ADAMTS2: variants seen among roughly 807,000 people sequenced by gnomAD.
ADAMTS2 encodes A disintegrin and metalloproteinase with thrombospondin motifs 2.
ADAMTS2 carries 50 observed loss-of-function variants against 123.0 expected under a neutral mutation model. That is an observed-to-expected ratio of 0.41 (90% CI 0.32 to 0.51). ADAMTS2 has a LOEUF of 0.51. ADAMTS2 is among the 20% of genes least tolerant of loss of function. The pLI is 0.35. For synonymous variants in ADAMTS2, 678 were observed against 695.4 expected, an observed-to-expected ratio of 0.98 and a Z score of 0.39; for missense variants, 1,494 against 1,705.2, an observed-to-expected ratio of 0.88 and a Z score of 2.18.
chr5:179,162,432 G>C lies in ADAMTS2; in HGVS notation c.976-3553C>G, dbSNP rs537592136. ...CCCACCAAGGATTAAAGGAGGATGAGACCACTGTCGAGCTAAGACTGGGGC... is the reference window on the plus strand; with the variant it reads ...CCCACCAAGGATTAAAGGAGGATGACACCACTGTCGAGCTAAGACTGGGGC... On this transcript the variant is annotated intron_variant, in intron 5 of 21. Coordinates refer to ENST00000251582, the MANE Select transcript of ADAMTS2 (RefSeq NM_014244.5). The surrounding 1 kb of genome is among the most constrained non-coding windows in gnomAD (Gnocchi z 5.1). Among the ~76,000 whole-genome samples, 1 of 152,292 alleles carries C rather than the reference G, an allele frequency of 6.6e-6. No individual in the cohort carries two copies. Among genetic ancestry groups the C allele is most frequent in the African/African-American group, 2.4e-5 (1 of 41,578 alleles).
chr5:179,316,357 C>T (rs1307395564), intron 2 of ADAMTS2, among the ~76,000 whole-genome samples: 2 of 152,232 alleles, frequency 1.3e-5, no homozygotes, highest in African/African-American at 4.8e-5. Flanking sequence ...ATCTAGCAAC[C>T]CAGAAGGGTG....
intron 2 of ADAMTS2, among the ~76,000 whole-genome samples, chr5:179,342,526 A>G (rs75213418): frequency 0.027 from 4,105 of 152,368 alleles, 67 homozygotes; most frequent in Middle Eastern, 0.041. Flanking sequence ...AAAAAGAATG[A>G]CAGTGGTTGC....
In ADAMTS2 at chr5:179,117,484, G is replaced by A. The variant is rs1762676305; in HGVS notation, c.3179-3160C>T. On this transcript the variant is annotated intron_variant, in intron 21 of 21. Coordinates refer to ENST00000251582, the MANE Select transcript of ADAMTS2 (RefSeq NM_014244.5). This position sits in a 1 kb window ranked among gnomAD's most constrained non-coding sequence, Gnocchi z 4.2. ...TACAGTGGTGGGCCATCTACGGCTA[G>A]TGTGCCAAGTCCCTCCCTCCACCTG... Among the ~76,000 whole-genome samples the A allele has an allele frequency of 6.6e-6, 1 of 152,100 alleles. No homozygotes were observed. Among genetic ancestry groups the A allele is most frequent in the Admixed American group, 6.5e-5 (1 of 15,272 alleles).
In ADAMTS2 at chr5:179,312,674, C is replaced by T. The variant is rs1378915934; in HGVS notation, c.534+31093G>A. ...AGGAGAAGGCCACGTACAGGCAGAGCAGAGGGAGATGGAGGATGTCGGCCC... is the reference window on the plus strand; with the variant it reads ...AGGAGAAGGCCACGTACAGGCAGAGTAGAGGGAGATGGAGGATGTCGGCCC... On this transcript the variant is annotated intron_variant, in intron 2 of 21. Transcript: ENST00000251582. The surrounding 1 kb of genome is among the most constrained non-coding windows in gnomAD (Gnocchi z 4.2). Among the ~76,000 whole-genome samples, 1 of 152,156 alleles carries T rather than the reference C, an allele frequency of 6.6e-6. No individual in the cohort carries two copies. Among genetic ancestry groups the T allele is most frequent in the Non-Finnish European group, 1.5e-5 (1 of 68,038 alleles).
In ADAMTS2 at chr5:179,207,693, G is replaced by A. The variant is rs780015198; in HGVS notation, c.711C>T (p.Asp237=). ...GGACGCCCAGGGCGCGGCTGAGGCT[G>A]TCCAGGCTGTCCAGGGAGGCCCCTG... ...LDTGASLDSL[D]SLSRALGVLE... is the part of the protein sequence containing the mutation. Residue 237 remains aspartate (D), a synonymous_variant, in exon 4 of 22, where the codon GAC becomes GAT. Transcript: ENST00000251582. The A allele has an allele frequency of 6.2e-7, 1 of 1,611,598 alleles. No homozygotes were observed. The highest frequency in any genetic ancestry group is 1.3e-5 in the African/African-American group (1 of 75,010).
At chr5:179,196,311 A>C (rs948076933) in intron 4 of ADAMTS2, among the ~76,000 whole-genome samples, 1 of 152,192 alleles carries the variant, frequency 6.6e-6, no homozygotes, top group Non-Finnish European at 1.5e-5. Context: ...GGAGGGGTCA[A>C]AGGTTATAGC....
At chr5:179,250,246 G>C (rs975651499) in intron 3 of ADAMTS2, among the ~76,000 whole-genome samples, 7 of 152,158 alleles carry the variant, frequency 4.6e-5, no homozygotes, top group Non-Finnish European at 1.0e-4. Context: ...ATGGTCAACT[G>C]TAAGACTGGA....
At chr5:179,321,609 GCCTCCCTCTT>G (rs1757181153) in intron 2 of ADAMTS2, among the ~76,000 whole-genome samples, 1 of 151,950 alleles carries the variant, frequency 6.6e-6, no homozygotes, top group Non-Finnish European at 1.5e-5. Context: ...TTCCCCTTCT[GCCTCCCTCTT>G]CCTTTGGTGC....
intron 2 of ADAMTS2, among the ~76,000 whole-genome samples, 198 bp downstream of exon 2, chr5:179,343,569 C>A (rs1463284425): frequency 6.6e-6 from 1 of 152,180 alleles, no homozygotes; most frequent in Admixed American, 6.5e-5. Flanking sequence ...GCATAAATGG[C>A]CCCCTGCTCA....
chr5:179,113,989 C>A lies in ADAMTS2; in HGVS notation c.3514G>T (p.Asp1172Tyr), dbSNP rs892440667. 2.5e-6 allele frequency: 4 copies of A among 1,614,130 alleles called. No homozygotes were observed. The highest frequency in any genetic ancestry group is 3.4e-6 in the Non-Finnish European group (4 of 1,180,020). ...DEPYKIHGLE[D>Y]EVQPPNLIPR... Reference sequence around the variant, plus strand: ...ATTAGGTTGGGTGGCTGGACTTCATCTTCCAGGCCATGGATTTTGTAGGGT... The same window carrying A: ...ATTAGGTTGGGTGGCTGGACTTCATATTCCAGGCCATGGATTTTGTAGGGT... The change falls in exon 22 of 22, where the codon GAT becomes TAT. Residue 1172 changes from aspartate to tyrosine, a missense_variant. Around this residue, in one of 6 missense-constraint regions of ADAMTS2, gnomAD observed 953 missense variants for 1,124.7 expected, o/e 0.85. Coordinates refer to ENST00000251582, the MANE Select transcript of ADAMTS2 (RefSeq NM_014244.5).
At chr5:179,274,543 C>T (rs1201769876) in intron 2 of ADAMTS2, among the ~76,000 whole-genome samples, 1 of 152,382 alleles carries the variant, frequency 6.6e-6, no homozygotes, top group East Asian at 1.9e-4. Context: ...ACCACACCCC[C>T]CCCAAAGTAA....
At chr5:179,304,476 G>C (rs1189220673) in intron 2 of ADAMTS2, among the ~76,000 whole-genome samples, 1 of 152,190 alleles carries the variant, frequency 6.6e-6, no homozygotes, top group Non-Finnish European at 1.5e-5. Context: ...CTAATGGAAA[G>C]ATAGTCTCAG....
intron 3 of ADAMTS2, among the ~76,000 whole-genome samples, chr5:179,259,670 T>G (rs1221201982): frequency 6.6e-6 from 1 of 152,218 alleles, no homozygotes; most frequent in Non-Finnish European, 1.5e-5. Context: ...GGGTCTGTCG[T>G]TCCAGCATGG....
At chr5:179,257,050 G>C (rs463431) in intron 3 of ADAMTS2, among the ~76,000 whole-genome samples, 1 of 152,222 alleles carries the variant, frequency 6.6e-6, no homozygotes, top group Non-Finnish European at 1.5e-5. Context: ...GAGCACCAAG[G>C]ACACCAAGAA....
chr5:179,273,369 A>G (rs1020979671), intron 2 of ADAMTS2, among the ~76,000 whole-genome samples: 7 of 152,174 alleles, frequency 4.6e-5, no homozygotes, highest in African/African-American at 1.4e-4. Context: ...CCAGAGAAGC[A>G]GGGAGACATT....
intron 5 of ADAMTS2, among the ~76,000 whole-genome samples, chr5:179,167,966 C>T (rs1353686418): frequency 2.0e-5 from 3 of 152,296 alleles, no homozygotes; most frequent in South Asian, 2.1e-4. Context: ...CAAGGGGATG[C>T]GGCTTCAGCA....
At chr5:179,200,631 C>G (rs1230725983) in intron 4 of ADAMTS2, among the ~76,000 whole-genome samples, 1 of 152,122 alleles carries the variant, frequency 6.6e-6, no homozygotes, top group Non-Finnish European at 1.5e-5. Context: ...TGGTGAGGAA[C>G]TGGAGCTTGG....
At chr5:179,207,075 CTATCCAGCTGGGGCTGAATAACGTCACTT>C (rs1405239644) in intron 4 of ADAMTS2, among the ~76,000 whole-genome samples, 1 of 152,192 alleles carries the variant, frequency 6.6e-6, no homozygotes, top group Non-Finnish European at 1.5e-5. Flanking sequence ...GAAGGCAGGG[CTATCCAGCTGGGGCTGAATAACGTCACTT>C]TATGTCTTAC....
intron 2 of ADAMTS2, among the ~76,000 whole-genome samples, chr5:179,343,507 G>C (rs1757840939): frequency 6.6e-6 from 1 of 152,262 alleles, no homozygotes; most frequent in African/African-American, 2.4e-5. Context: ...GCAAAAGAGA[G>C]AGGCGCACGC....
Sources: gnomAD v4.1 joint callset for allele counts (sites outside exome capture counted in the v4.1 genomes callset) on GRCh38, gnomAD v4.1.1 for gene constraint, gnomAD v4.1.1 regional missense constraint, Gnocchi (gnomAD v3.1) non-coding constraint, MANE v1.5 for transcripts, NCBI Gene and HGNC (gene_info 2026-07-23, HGNC 2026-07-21) for gene names.